The following MYZAP variants were observed in gnomAD, a reference collection of about 807,000 sequenced individuals.
MYZAP encodes GRINL1A complex locus upstream.
In MYZAP, 66 loss-of-function variants were observed where a neutral mutation model predicts 69.4. The ratio of observed to expected loss-of-function variants is 0.95; its 90% CI spans 0.78 to 1.17. MYZAP has a LOEUF of 1.17. MYZAP is among the 50% of genes most tolerant of loss of function. The pLI, the probability that MYZAP is intolerant of heterozygous loss-of-function variation, is 0.00. For synonymous variants in MYZAP, 256 were observed against 205.9 expected (o/e 1.24, Z -2.09); for missense variants, 611 against 556.2 (o/e 1.10, Z -0.99).
intron 12 of MYZAP, among the ~76,000 whole-genome samples, chr15:57,677,188 C>T (rs1056935461): frequency 4.6e-5 from 7 of 152,132 alleles, no homozygotes; most frequent in African/African-American, 9.7e-5. Flanking sequence ...TCGGGATGCC[C>T]GGGGGGATGA....
intron 10 of MYZAP, among the ~76,000 whole-genome samples, chr15:57,653,012 A>C (rs1173454971): frequency 6.6e-6 from 1 of 152,122 alleles, no homozygotes; most frequent in African/African-American, 2.4e-5. Context: ...AACATTTTCA[A>C]TGTGAAATGA....
At chr15:57,645,008 C>A (rs1344382013) in intron 10 of MYZAP, among the ~76,000 whole-genome samples, 1 of 152,210 alleles carries the variant, frequency 6.6e-6, no homozygotes, top group African/African-American at 2.4e-5. Context: ...CATGTATGCA[C>A]GTGTCTGCCT....
intron 1 of MYZAP, among the ~76,000 whole-genome samples, chr15:57,597,910 C>A (rs1434045461): frequency 6.6e-6 from 1 of 152,092 alleles, no homozygotes; most frequent in Admixed American, 6.5e-5. Context: ...TCTGTTCCCC[C>A]TAGCCACACT....
chr15:57,627,015 G>C (rs191918989), intron 5 of MYZAP, among the ~76,000 whole-genome samples: 1 of 110,008 alleles, frequency 9.1e-6, no homozygotes, highest in South Asian at 3.2e-4. Context: ...TCCTGTGGTC[G>C]GGGGGGCTTG....
intron 11 of MYZAP, among the ~76,000 whole-genome samples, chr15:57,667,871 T>A (rs2038661009): frequency 6.6e-6 from 1 of 152,216 alleles, no homozygotes; most frequent in Non-Finnish European, 1.5e-5. Flanking sequence ...TAGAGAGAAT[T>A]TCTATCACCC....
chr15:57,617,585 A>C (rs759261354), intron 2 of MYZAP, among the ~76,000 whole-genome samples: 4 of 152,100 alleles, frequency 2.6e-5, no homozygotes, highest in Non-Finnish European at 5.9e-5. Context: ...GACCAGCCCT[A>C]CCCTCAGAGG....
At chr15:57,625,690 T>G (rs1161332082) in intron 4 of MYZAP, 89 bp from the exon 5 acceptor site, 2 of 1,188,682 alleles carry the variant, frequency 1.7e-6, no homozygotes, top group Non-Finnish European at 2.5e-6. Context: ...TAGATGTGGC[T>G]TCTAACAGAA....
At chr15:57,608,917 C>T (rs1165194342) in intron 2 of MYZAP, among the ~76,000 whole-genome samples, 1 of 152,084 alleles carries the variant, frequency 6.6e-6, no homozygotes, top group Non-Finnish European at 1.5e-5. Context: ...CTAAGTCTTC[C>T]CTGTCCTTGA....
At chr15:57,613,264 T>G (rs1298083170) in intron 2 of MYZAP, among the ~76,000 whole-genome samples, 1 of 152,102 alleles carries the variant, frequency 6.6e-6, no homozygotes, top group Non-Finnish European at 1.5e-5. Flanking sequence ...TTCTGTCTAG[T>G]ATTGTTTCAT....
rs570366920 is a variant in MYZAP at position 57,661,604 on chromosome 15, G to A, written c.1203+71G>A. On this transcript the variant is annotated intron_variant, in intron 11 of 12. Transcript: ENST00000267853. ...ATTTTATGTTGCTAAGCCTACCACC[G>A]ACACTTAATTAAAAATATGGCTATT... 2.5e-5 allele frequency: 32 copies of A among 1,299,308 alleles called. No homozygotes were observed. The South Asian group carries it at 2.6e-4, about 11-fold the overall frequency. 80.5% of individuals were successfully genotyped at this position (1,299,308 alleles called of 1,614,324 possible). A position where few individuals can be genotyped will look rare whatever the true frequency, so the allele number is the denominator to read the frequency against.
chr15:57,659,720 C>G (rs1018389644), intron 10 of MYZAP, among the ~76,000 whole-genome samples: 3 of 152,174 alleles, frequency 2.0e-5, no homozygotes, highest in African/African-American at 2.4e-5. Flanking sequence ...ATCGTTTCTT[C>G]AATTCAGTTT....
At chr15:57,665,743 G>T (rs763112150) in intron 11 of MYZAP, among the ~76,000 whole-genome samples, 1 of 152,142 alleles carries the variant, frequency 6.6e-6, no homozygotes. Context: ...CATGTTGGTC[G>T]CTTGCAATTA....
chr15:57,606,873 T>G (rs1356322844), intron 2 of MYZAP, among the ~76,000 whole-genome samples: 30 of 152,348 alleles, frequency 2.0e-4, no homozygotes, highest in Non-Finnish European at 1.2e-4. Flanking sequence ...TCAGCTTCTG[T>G]GTAGCTTTGA....
Position 57,684,501 on chromosome 15 carries a change from A to T in MYZAP, c.*3A>T. 1 of 1,579,824 alleles carries T rather than the reference A, an allele frequency of 6.3e-7. No individual in the cohort carries two copies. On this transcript the variant is annotated 3_prime_UTR_variant, in exon 13 of 13. Transcript: ENST00000267853. ...CCATGAAGAAAACTCTGACTTAGGC[A>T]CTCAGAGGCATACACTTTTTACAGA...
At chr15:57,615,573 T>A (rs937252) in intron 2 of MYZAP, among the ~76,000 whole-genome samples, 1 of 152,044 alleles carries the variant, frequency 6.6e-6, no homozygotes, top group Admixed American at 6.5e-5. Flanking sequence ...AGCCTTGTGT[T>A]GTCATTGGCT....
At chr15:57,630,316 G>A (rs930713440) in intron 6 of MYZAP, among the ~76,000 whole-genome samples, 24 of 152,064 alleles carry the variant, frequency 1.6e-4, no homozygotes, top group Admixed American at 5.9e-4. Flanking sequence ...GCCTTTCTTG[G>A]CCTCCAGTCC....
intron 10 of MYZAP, among the ~76,000 whole-genome samples, chr15:57,640,944 T>C (rs2037117083): frequency 6.6e-6 from 1 of 152,012 alleles, no homozygotes; most frequent in Non-Finnish European, 1.5e-5. Context: ...ATGTCAGGAG[T>C]GTATTTTCCA....
At chr15:57,666,369 T>C (rs10162937) in intron 11 of MYZAP, among the ~76,000 whole-genome samples, 149,800 of 152,308 alleles carry the variant, frequency 0.98, 73,710 homozygotes, top group Middle Eastern at 1. Context: ...TCCTAGGTCA[T>C]GGCTGACACT....
At chr15:57,624,235 C>T (rs1215656595) in intron 4 of MYZAP, among the ~76,000 whole-genome samples, 2 of 152,130 alleles carry the variant, frequency 1.3e-5, no homozygotes, top group African/African-American at 2.4e-5. Context: ...GTCTATGTGA[C>T]GTACCTTCCA....
Sources: allele counts gnomAD v4.1 joint callset (sites outside exome capture counted in the v4.1 genomes callset), GRCh38; gene constraint gnomAD v4.1.1; transcripts MANE v1.5; gene names NCBI Gene and HGNC (gene_info 2026-07-23, HGNC 2026-07-21).